Variants in NFATC2 observed in about 807,000 individuals in gnomAD.
The protein encoded by NFATC2 is nuclear factor of activated T-cells, cytoplasmic 2.
Under a neutral mutation model 87.3 loss-of-function variants are expected in NFATC2, and 22 were observed. The ratio of observed to expected loss-of-function variants is 0.25; its 90% CI spans 0.18 to 0.36. NFATC2 has a LOEUF of 0.36. Among genes scored for constraint, NFATC2 ranks in the 10% least tolerant of loss-of-function variants. NFATC2 has a pLI of 1.00. For synonymous variants in NFATC2, 565 were observed against 542.2 expected (o/e 1.04, Z -0.58); for missense variants, 1,149 against 1,259.1 (o/e 0.91, Z 1.32).
At chr20:51,417,853 C>T (rs117249065) in intron 9 of NFATC2, among the ~76,000 whole-genome samples, 5 of 152,096 alleles carry the variant, frequency 3.3e-5, no homozygotes, top group Non-Finnish European at 7.3e-5. Context: ...CTCAGCAACA[C>T]GCCCCCTGAG....
chr20:51,478,107 A>G (rs551277009), intron 3 of NFATC2, among the ~76,000 whole-genome samples: 1 of 152,312 alleles, frequency 6.6e-6, no homozygotes, highest in East Asian at 1.9e-4. Context: ...GAACTGTGCT[A>G]GATGATCACC....
At chr20:51,527,660 AC>A (rs1320828439) in intron 1 of NFATC2, among the ~76,000 whole-genome samples, 2 of 152,222 alleles carry the variant, frequency 1.3e-5, no homozygotes, top group Non-Finnish European at 2.9e-5. Context: ...CCTGGAATAA[AC>A]TATTACTCAA....
At chr20:51,404,798 G>A (rs903018286) in intron 9 of NFATC2, among the ~76,000 whole-genome samples, 10 of 152,202 alleles carry the variant, frequency 6.6e-5, no homozygotes, top group South Asian at 2.1e-4. Flanking sequence ...CCTAGTGTGC[G>A]CAGACAGCTT....
intron 9 of NFATC2, among the ~76,000 whole-genome samples, chr20:51,402,965 T>G (rs572002936): frequency 1.3e-5 from 2 of 152,186 alleles, no homozygotes; most frequent in Admixed American, 1.3e-4. Context: ...CGCCCTCCCA[T>G]AAGTTCACCT....
intron 3 of NFATC2, among the ~76,000 whole-genome samples, chr20:51,481,870 T>C (rs1989289221): frequency 6.6e-6 from 1 of 152,146 alleles, no homozygotes; most frequent in Admixed American, 6.5e-5. Context: ...CCTCCATAGG[T>C]GAAGACCTTT....
intron 3 of NFATC2, among the ~76,000 whole-genome samples, chr20:51,477,399 C>A (rs1244571693): frequency 6.6e-6 from 1 of 151,360 alleles, no homozygotes; most frequent in African/African-American, 2.4e-5. Context: ...GGAGAAGAAG[C>A]TCAAGATTGA....
intron 3 of NFATC2, among the ~76,000 whole-genome samples, chr20:51,514,472 C>T (rs902466647): frequency 6.6e-6 from 1 of 152,204 alleles, no homozygotes; most frequent in Non-Finnish European, 1.5e-5. Flanking sequence ...AAACAAAGCT[C>T]ATGGTCTAAG....
At chr20:51,439,751 C>T (rs752220242) in intron 6 of NFATC2, among the ~76,000 whole-genome samples, 4 of 152,236 alleles carry the variant, frequency 2.6e-5, no homozygotes, top group Admixed American at 6.5e-5. Context: ...TTTACTCCCA[C>T]GTACCCCAAA....
rs977212130 is a variant in NFATC2 at position 51,412,709 on chromosome 20, C to G, written c.2723-13979G>C. ...GGCGTCCCCGGCCACCTCATACTCT[C>G]TGCCAGCTGGGTCCACGGGGATGCT... is the stretch of plus-strand genomic sequence containing the variant. On this transcript the variant is annotated intron_variant, in intron 9 of 10. Coordinates refer to ENST00000371564, the MANE Select transcript of NFATC2 (RefSeq NM_012340.5). Among the ~76,000 whole-genome samples, 3 of 152,206 alleles carry G rather than the reference C, an allele frequency of 2.0e-5. No individual in the cohort carries two copies. In the East Asian group the frequency reaches 5.8e-4, roughly 29 times the overall value.
At position 51,398,790 on chromosome 20, in the gene NFATC2, CTT is replaced by C; in HGVS notation, c.2723-62_2723-61del. 2.6e-6 allele frequency: 3 copies of C among 1,168,982 alleles called. No individual in the cohort carries two copies. The South Asian group carries it at 3.7e-5, about 15-fold the overall frequency. 72.4% of individuals were successfully genotyped at this position (1,168,982 alleles called of 1,614,324 possible). A position where few individuals can be genotyped will look rare whatever the true frequency, so the allele number is the denominator to read the frequency against. ...AAAAAAAAAATCACCTTTGATCTCT[CTT>C]ACGCTTCCAACTCATGCCGATATCA... is the stretch of plus-strand genomic sequence containing the variant. On this transcript the variant is annotated intron_variant, in intron 9 of 10. Transcript: ENST00000371564.
At chr20:51,498,537 C>T (rs1165877739) in intron 3 of NFATC2, among the ~76,000 whole-genome samples, 1 of 152,200 alleles carries the variant, frequency 6.6e-6, no homozygotes, top group African/African-American at 2.4e-5. Context: ...GTGGCTCACG[C>T]CTGTAATCCC....
chr20:51,517,240 A>G (rs1011345535), intron 2 of NFATC2, among the ~76,000 whole-genome samples: 1 of 152,126 alleles, frequency 6.6e-6, no homozygotes, highest in Non-Finnish European at 1.5e-5. Context: ...ATGGTAACAC[A>G]ATGGGAATTA....
At chr20:51,473,140 G>A (rs1483200652) in intron 5 of NFATC2, among the ~76,000 whole-genome samples, 1 of 152,080 alleles carries the variant, frequency 6.6e-6, no homozygotes, top group Non-Finnish European at 1.5e-5. Flanking sequence ...CTTCCAAATG[G>A]CAGATCCTGG....
At position 51,435,274 on chromosome 20, in the gene NFATC2, T is replaced by C; in HGVS notation, c.1946A>G (p.His649Arg). 1.2e-6 allele frequency: 2 copies of C among 1,614,230 alleles called. No individual in the cohort carries two copies. Among genetic ancestry groups the C allele is most frequent in the East Asian group, 2.2e-5 (1 of 44,882 alleles). Reference protein sequence around the residue: ...FVEIPEYRNKHIRTPVKVNFY... With the variant: ...FVEIPEYRNKRIRTPVKVNFY... ...GTTCACTTTTACAGGTGTGCGGATA[T>C]GCTTGTTCCGATATTCAGGGATCTC... The change falls in exon 8 of 11, where the codon CAT (histidine) becomes CGT (arginine). Residue 649 changes from histidine (H) to arginine (R), a missense_variant. Physicochemically the swap from His to Arg is conservative, Grantham distance 29. This residue lies in a region of NFATC2 where 581 missense variants were observed against 649.7 expected (regional missense o/e 0.89). Coordinates refer to ENST00000371564, the MANE Select transcript of NFATC2 (RefSeq NM_012340.5).
intron 4 of NFATC2, among the ~76,000 whole-genome samples, chr20:51,474,842 G>A (rs2082191897): frequency 6.6e-6 from 1 of 152,034 alleles, no homozygotes; most frequent in African/African-American, 2.4e-5. Context: ...ATCACTTAAT[G>A]ATCTCTCTAG....
At chr20:51,473,933 T>A in intron 5 of NFATC2, 47 bp downstream of exon 5, 1 of 1,591,096 alleles carries the variant, frequency 6.3e-7, no homozygotes, top group Non-Finnish European at 8.6e-7. Context: ...GAAGCCCACG[T>A]GCCCTACGCT....
intron 3 of NFATC2, among the ~76,000 whole-genome samples, chr20:51,510,871 TA>T (rs2076262313): frequency 6.6e-6 from 1 of 152,200 alleles, no homozygotes; most frequent in South Asian, 2.1e-4. Flanking sequence ...TTAGAAATCA[TA>T]TAAATATAAC....
intron 1 of NFATC2, among the ~76,000 whole-genome samples, chr20:51,540,249 G>A (rs1021058514): frequency 3.9e-5 from 6 of 152,142 alleles, no homozygotes; most frequent in African/African-American, 7.2e-5. Context: ...CTGACCTCAG[G>A]TGATCCGCCC....
In NFATC2 at chr20:51,444,404, C is replaced by T. The variant is rs985260500; in HGVS notation, c.1850-8643G>A. Among the ~76,000 whole-genome samples, 3 of 151,932 alleles carry T rather than the reference C, an allele frequency of 2.0e-5. 1 individual carries two copies. Among genetic ancestry groups the T allele is most frequent in the Non-Finnish European group, 1.5e-5 (1 of 67,992 alleles). ...TGCTGATGTATGGCCCCTATACTTT[C>T]GTTGGTTTCCTGGTTTCTCTTTGCA... On this transcript the variant is annotated intron_variant, in intron 6 of 10. Transcript: ENST00000371564.
Sources: allele counts gnomAD v4.1 joint callset (sites outside exome capture counted in the v4.1 genomes callset), GRCh38; gene constraint gnomAD v4.1.1; regional missense constraint gnomAD v4.1.1; transcripts MANE v1.5; gene names NCBI Gene and HGNC (gene_info 2026-07-23, HGNC 2026-07-21).